The following RASAL1 variants were observed in gnomAD, a reference collection of about 807,000 sequenced individuals.
RASAL1 encodes the protein rasGAP-activating-like protein 1.
In RASAL1, 72 loss-of-function variants were observed where a neutral mutation model predicts 96.6. That is an observed-to-expected ratio of 0.75 (90% CI 0.62 to 0.91). RASAL1 has a LOEUF of 0.91. RASAL1 is among the 40% of genes least tolerant of loss of function. RASAL1 has a pLI of 0.00. For synonymous variants in RASAL1, 405 were observed against 430.4 expected (o/e 0.94, Z 0.73); for missense variants, 1,016 against 1,072.5 (o/e 0.95, Z 0.74).
chr12:113,136,491 A>G (rs1951920173), upstream of RASAL1, among the ~76,000 whole-genome samples: 1 of 152,202 alleles, frequency 6.6e-6, no homozygotes, highest in Admixed American at 6.5e-5. Flanking sequence ...GGATAAAGAA[A>G]CTGAGGTTCA....
intron 13 of RASAL1, among the ~76,000 whole-genome samples, 172 bp downstream of exon 13, chr12:113,111,914 C>T (rs1950876985): frequency 6.6e-6 from 1 of 152,154 alleles, no homozygotes; most frequent in Non-Finnish European, 1.5e-5. Context: ...TTTATTATTA[C>T]TATCATTCTT....
intron 13 of RASAL1, among the ~76,000 whole-genome samples, chr12:113,108,897 C>T (rs936786035): frequency 1.0e-4 from 15 of 149,014 alleles, no homozygotes; most frequent in African/African-American, 2.7e-4. Flanking sequence ...TGCAGTGGCA[C>T]GATCTCTGCT....
intron 1 of RASAL1, among the ~76,000 whole-genome samples, chr12:113,134,972 C>A (rs1286673506): frequency 6.6e-6 from 1 of 152,126 alleles, no homozygotes; most frequent in African/African-American, 2.4e-5. Context: ...AGGCCCTCTC[C>A]AAGGGTCCTC....
At chr12:113,117,482 G>A (rs948844006) in intron 7 of RASAL1, among the ~76,000 whole-genome samples, 3 of 152,140 alleles carry the variant, frequency 2.0e-5, no homozygotes, top group African/African-American at 7.2e-5. Flanking sequence ...CTCTGTTTAG[G>A]GACATAAATT....
rs757459059 is a variant in RASAL1, at chr12:113,105,794, C to T, written c.1750G>A (p.Ala584Thr). ...CGCTTCTTGAAGGCAAAGCGCGTGG[C>T]CAGGCCGGCAGGCTCCTCCTTGCGC... is the stretch of plus-strand genomic sequence containing the variant. ...LKRKEEPAGL[A>T]TRFAFKKRYV... Residue 584 changes from alanine (A) to threonine (T), a missense_variant, in exon 16 of 21, where the codon GCC becomes ACC. Physicochemically the swap from Ala to Thr is moderately conservative, Grantham distance 58 (BLOSUM62 0). Transcript: ENST00000548055. 3 of 1,614,076 alleles carry T rather than the reference C, an allele frequency of 1.9e-6. No homozygotes were observed. The highest frequency in any genetic ancestry group is 1.7e-5 in the Admixed American group (1 of 60,008).
intron 1 of RASAL1, among the ~76,000 whole-genome samples, chr12:113,133,806 A>G (rs1244847715): frequency 6.6e-6 from 1 of 152,178 alleles, no homozygotes; most frequent in Non-Finnish European, 1.5e-5. Context: ...CCCTTGCTCT[A>G]GGGCATGACC....
At chr12:113,133,110 C>A (rs762369693) in intron 1 of RASAL1, among the ~76,000 whole-genome samples, 1 of 152,230 alleles carries the variant, frequency 6.6e-6, no homozygotes, top group South Asian at 2.1e-4. Flanking sequence ...AGACACACCC[C>A]CTCCTGCAGA....
chr12:113,105,819 C>G lies in RASAL1; in HGVS notation c.1725G>C (p.Lys575Asn). ...CCAGGCCGGCAGGCTCCTCCTTGCG[C>G]TTCAGCAGATAGCCTTCTCGAACAA... ...SAIVREGYLL[K>N]RKEEPAGLAT... Residue 575 changes from lysine to asparagine, a missense_variant, in exon 16 of 21, where the codon AAG becomes AAC. Lys to Asn is a moderately conservative substitution (Grantham distance 94). Transcript: ENST00000548055. 1 of 1,614,190 alleles carries G rather than the reference C, an allele frequency of 6.2e-7. No individual in the cohort carries two copies. The highest frequency in any genetic ancestry group is 1.3e-5 in the African/African-American group (1 of 75,084).
rs549072444 is a variant in RASAL1 at position 113,130,108 on chromosome 12, C to T, written c.122+777G>A. Among the ~76,000 whole-genome samples, 9 of 152,168 alleles carry T rather than the reference C, an allele frequency of 5.9e-5. No individual in the cohort carries two copies. The highest frequency in any genetic ancestry group is 1.3e-4 in the Non-Finnish European group (9 of 67,968). The stretch of plus-strand genomic sequence containing the variant: ...AGAATAGGAGCATCCTGAATCCTGC[C>T]GTCTCCATAGGAACCAAGGCCTCAG... On this transcript the variant is annotated intron_variant, in intron 2 of 20. Transcript: ENST00000548055. This position sits in a 1 kb window ranked among gnomAD's most constrained non-coding sequence, Gnocchi z 5.1.
At chr12:113,128,222 G>GGAGGCA (rs1465679368) in intron 2 of RASAL1, 44 bp from the exon 3 acceptor site, 2 of 1,237,910 alleles carry the variant, frequency 1.6e-6, no homozygotes, top group Non-Finnish European at 2.4e-6. Context: ...GGGCCACACA[G>GGAGGCA]GAGGCAGACA....
At chr12:113,107,944 A>T (rs1020770951) in intron 14 of RASAL1, 141 bp downstream of exon 14, 1 of 945,050 alleles carries the variant, frequency 1.1e-6, no homozygotes, top group Non-Finnish European at 1.5e-6. Flanking sequence ...CTTGGGATGG[A>T]ATGCTAACGG....
Position 113,105,871 on chromosome 12 carries a change from G to A in RASAL1, c.1673C>T (p.Ala558Val), listed in dbSNP as rs761166990. Residue 558 changes from alanine (A) to valine (V), a missense_variant, in exon 16 of 21, where the codon GCC becomes GTC. Coordinates refer to ENST00000548055, the MANE Select transcript of RASAL1 (RefSeq NM_001301202.2). ...VDGDEEAGVPARALFPPSAIV... is the reference protein window; with the variant it reads ...VDGDEEAGVPVRALFPPSAIV... ...GGCCGAGGGCGGGAACAGGGCCCTG[G>A]CTGGGACACCAGCTTCTAGGAGATG... 15 of 1,613,290 alleles carry A rather than the reference G, an allele frequency of 9.3e-6. No homozygotes were observed. Among genetic ancestry groups the A allele is most frequent in the Non-Finnish European group, 1.3e-5 (15 of 1,179,740 alleles).
At chr12:113,125,672 C>T (rs1419597158) in intron 4 of RASAL1, among the ~76,000 whole-genome samples, 1 of 152,146 alleles carries the variant, frequency 6.6e-6, no homozygotes, top group African/African-American at 2.4e-5. Context: ...GAACTGCTAC[C>T]TCTTCCATGG....
intron 4 of RASAL1, among the ~76,000 whole-genome samples, chr12:113,125,910 C>T (rs193003262): frequency 5.3e-5 from 8 of 152,310 alleles, no homozygotes; most frequent in Admixed American, 2.0e-4. Context: ...TGAAGCACCA[C>T]GATGCCATCC....
In RASAL1 at chr12:113,105,789, C is replaced by T. The variant is rs139573405; in HGVS notation, c.1755G>A (p.Thr585=). The change falls in exon 16 of 21, where the codon ACG becomes ACA. Residue 585 remains threonine, a synonymous_variant. Transcript: ENST00000548055. The part of the protein sequence containing the change: ...KRKEEPAGLA[T]RFAFKKRYVW... ...CGTAGCGCTTCTTGAAGGCAAAGCG[C>T]GTGGCCAGGCCGGCAGGCTCCTCCT... 1.6e-4 allele frequency: 261 copies of T among 1,614,164 alleles called. 2 individuals carry two copies. In the East Asian group the frequency reaches 1.6e-3, roughly 10 times the overall value.
chr12:113,124,805 T>C (rs1337836615), intron 4 of RASAL1, among the ~76,000 whole-genome samples: 2 of 152,222 alleles, frequency 1.3e-5, no homozygotes, highest in Admixed American at 6.5e-5. Flanking sequence ...CATAGTAGGT[T>C]TTCAACTAAT....
In RASAL1 at chr12:113,128,217, A is replaced by G. The variant is rs189958241; in HGVS notation, c.123-39T>C. 612 of 1,369,268 alleles carry G rather than the reference A, an allele frequency of 4.5e-4. 3 individuals are homozygous for G. In the East Asian group the frequency reaches 0.012, roughly 26 times the overall value. The allele number at this position is 1,369,268 out of a possible 1,614,324, so 84.8% of individuals were successfully genotyped here. A position where few individuals can be genotyped will look rare whatever the true frequency, so the allele number is the denominator to read the frequency against. On this transcript the variant is annotated intron_variant, in intron 2 of 20. Transcript: ENST00000548055. ...TGCAGGGGGCTGGGGTCCTCGGGCC[A>G]CACAGGAGGCAGACACCTGGAGACC...
chr12:113,106,978 T>G (rs1950668533), intron 15 of RASAL1, 119 bp downstream of exon 15: 5 of 1,172,348 alleles, frequency 4.3e-6, no homozygotes. Context: ...AAATGTTAGT[T>G]GACTGACCCA....
intron 13 of RASAL1, among the ~76,000 whole-genome samples, chr12:113,108,590 T>A (rs1369838193): frequency 6.6e-6 from 1 of 152,164 alleles, no homozygotes; most frequent in Admixed American, 6.5e-5. Context: ...ACACAGCTAA[T>A]GAGTGGCAAA....
Sources: allele counts gnomAD v4.1 joint callset (sites outside exome capture counted in the v4.1 genomes callset), GRCh38; gene constraint gnomAD v4.1.1; non-coding constraint Gnocchi (gnomAD v3.1); transcripts MANE v1.5; gene names NCBI Gene and HGNC (gene_info 2026-07-23, HGNC 2026-07-21).